CAMTA1: variants seen among roughly 807,000 people sequenced by gnomAD.
CAMTA1 encodes calmodulin binding transcription activator 1.
Under a neutral mutation model 170.9 loss-of-function variants are expected in CAMTA1, and 27 were observed. The observed-to-expected ratio is 0.16, with a 90% CI of 0.12 to 0.22. CAMTA1 has a LOEUF of 0.22. CAMTA1 is among the 10% of genes least tolerant of loss of function. CAMTA1 has a pLI of 1.00. For synonymous variants in CAMTA1, 833 were observed against 891.5 expected, an observed-to-expected ratio of 0.93 and a Z score of 1.17; for missense variants, 1,619 against 2,217.2, an observed-to-expected ratio of 0.73 and a Z score of 5.42.
At chr1:7,000,103 C>T (rs926651070) in intron 3 of CAMTA1, among the ~76,000 whole-genome samples, 3 of 152,222 alleles carry the variant, frequency 2.0e-5, no homozygotes, top group South Asian at 2.1e-4. Context: ...GGTGCTTCTG[C>T]TCTTCTGTGG....
At chr1:6,877,434 C>T (rs1360893579) in intron 3 of CAMTA1, among the ~76,000 whole-genome samples, 1 of 152,192 alleles carries the variant, frequency 6.6e-6, no homozygotes, top group East Asian at 1.9e-4. Context: ...TTTGTCATTC[C>T]TCAATGAAGA....
intron 11 of CAMTA1, among the ~76,000 whole-genome samples, chr1:7,678,501 T>C (rs968011133): frequency 2.6e-5 from 4 of 152,164 alleles, no homozygotes; most frequent in Admixed American, 6.5e-5. Flanking sequence ...GTGGTTCCCC[T>C]TGGGGTACCA....
intron 5 of CAMTA1, among the ~76,000 whole-genome samples, chr1:7,313,109 G>A (rs1021459968): frequency 6.6e-6 from 1 of 152,018 alleles, no homozygotes; most frequent in Admixed American, 6.6e-5. Flanking sequence ...AATTTCTTAC[G>A]GGTTGTGATC....
At position 7,026,396 on chromosome 1, in the gene CAMTA1, A is replaced by G. The variant is rs137994305; in HGVS notation, c.235-64908A>G. ...CGGCCTCATGTGTGATTCAGAATGTATTGTGGGAGTGGCAGCCCCGGTGGG... is the reference window on the plus strand; with the variant it reads ...CGGCCTCATGTGTGATTCAGAATGTGTTGTGGGAGTGGCAGCCCCGGTGGG... On this transcript the variant is annotated intron_variant, in intron 3 of 22. Coordinates refer to ENST00000303635, the MANE Select transcript of CAMTA1 (RefSeq NM_015215.4). Among the ~76,000 whole-genome samples, 435 of 152,144 alleles carry G rather than the reference A, an allele frequency of 2.9e-3. 4 individuals are homozygous for G. The highest frequency in any genetic ancestry group is 9.6e-3 in the African/African-American group (400 of 41,490).
chr1:6,825,053 C>T, intron 2 of CAMTA1, 39 bp from the exon 3 acceptor site: 1 of 1,198,620 alleles, frequency 8.3e-7, no homozygotes, highest in Non-Finnish European at 1.2e-6. Context: ...GAGATTTTAT[C>T]TATTATTTTC....
intron 3 of CAMTA1, among the ~76,000 whole-genome samples, chr1:6,839,533 G>T (rs1005755963): frequency 2.6e-5 from 4 of 152,200 alleles, no homozygotes; most frequent in African/African-American, 9.6e-5. Flanking sequence ...CAATTCTCAT[G>T]GAGCTTATCG....
At chr1:7,380,216 G>T (rs1000854256) in intron 5 of CAMTA1, among the ~76,000 whole-genome samples, 6 of 152,204 alleles carry the variant, frequency 3.9e-5, no homozygotes, top group African/African-American at 1.4e-4. Flanking sequence ...TAGTTTTCCT[G>T]TAGGCTCAGA....
intron 6 of CAMTA1, among the ~76,000 whole-genome samples, chr1:7,615,208 G>A (rs1424072043): frequency 1.3e-5 from 2 of 152,198 alleles, no homozygotes; most frequent in East Asian, 1.9e-4. Context: ...TAGGACCTGC[G>A]ATGTCAGAAC....
chr1:6,835,213 T>G (rs1652465825), intron 3 of CAMTA1, among the ~76,000 whole-genome samples: 1 of 152,212 alleles, frequency 6.6e-6, no homozygotes, highest in Admixed American at 6.5e-5. Context: ...TAAGAAATGT[T>G]AAGGTGCAAA....
chr1:7,642,084 C>G lies in CAMTA1; in HGVS notation c.664+1531C>G, dbSNP rs1260648934. 6.6e-6 allele frequency among the ~76,000 whole-genome samples: 1 copy of G among 152,078 alleles called. No homozygotes were observed. Among genetic ancestry groups the G allele is most frequent in the South Asian group, 2.1e-4 (1 of 4,822 alleles). ...TGCTCACCCCACCTTTCCCTCAGCTCTCAGCCTCTCCACAGGCCCTCCCAC... is the reference window on the plus strand; with the variant it reads ...TGCTCACCCCACCTTTCCCTCAGCTGTCAGCCTCTCCACAGGCCCTCCCAC... On this transcript the variant is annotated intron_variant, in intron 7 of 22. Coordinates refer to ENST00000303635, the MANE Select transcript of CAMTA1 (RefSeq NM_015215.4). The surrounding 1 kb of genome is among the most constrained non-coding windows in gnomAD (Gnocchi z 6.3).
chr1:7,061,402 G>A (rs116806900), intron 3 of CAMTA1, among the ~76,000 whole-genome samples: 3,090 of 152,302 alleles, frequency 0.02, 97 homozygotes, highest in African/African-American at 0.07. Context: ...GGTGTCACCC[G>A]AGCTTCCAGT....
chr1:6,877,469 A>G (rs55647515), intron 3 of CAMTA1, among the ~76,000 whole-genome samples: 2,538 of 152,266 alleles, frequency 0.017, 29 homozygotes, highest in South Asian at 0.033. Flanking sequence ...AAAGGGAGTT[A>G]ATGAAGGAAA....
chr1:7,246,729 C>T lies in CAMTA1; in HGVS notation c.303-2762C>T, dbSNP rs111779586. On this transcript the variant is annotated intron_variant, in intron 4 of 22. Transcript: ENST00000303635. Reference sequence around the variant, plus strand: ...TGCCCCAGGCCAGAGTGCCGTGGCACGATCTCAGCTCACTGCAACCTCTGC... The same window carrying T: ...TGCCCCAGGCCAGAGTGCCGTGGCATGATCTCAGCTCACTGCAACCTCTGC... Among the ~76,000 whole-genome samples, 1,009 of 135,464 alleles carry T rather than the reference C, an allele frequency of 7.4e-3. 10 individuals are homozygous for T. The highest frequency in any genetic ancestry group is 0.056 in the East Asian group (238 of 4,262). The allele number at this position is 135,464 out of a possible 152,430, so 88.9% of individuals were successfully genotyped here. A position where few individuals can be genotyped will look rare whatever the true frequency, so the allele number is the denominator to read the frequency against.
chr1:7,135,529 C>T (rs1645492411), intron 4 of CAMTA1, among the ~76,000 whole-genome samples: 1 of 152,204 alleles, frequency 6.6e-6, no homozygotes, highest in African/African-American at 2.4e-5. Flanking sequence ...CTCTTACACT[C>T]TTGGTGCTGC....
intron 3 of CAMTA1, among the ~76,000 whole-genome samples, chr1:6,909,003 A>G (rs1679151396): frequency 6.6e-6 from 1 of 152,274 alleles, no homozygotes; most frequent in Non-Finnish European, 1.5e-5. Flanking sequence ...ATGGCGAAGT[A>G]CAATAATAAC....
In CAMTA1 at chr1:7,518,739, C is replaced by T. The variant is rs974748074; in HGVS notation, c.510+50838C>T. 3.9e-5 allele frequency among the ~76,000 whole-genome samples: 6 copies of T among 152,022 alleles called. No homozygotes were observed. In the South Asian group the frequency reaches 8.3e-4, roughly 21 times the overall value. ...AAAGGAAGGTGCCCCTCACTCACTG[C>T]CTCCATCTCTCCAGAAGCCAATGTC... is the stretch of plus-strand genomic sequence containing the variant. On this transcript the variant is annotated intron_variant, in intron 6 of 22. Transcript: ENST00000303635.
At chr1:7,294,252 T>A (rs891393244) in intron 5 of CAMTA1, among the ~76,000 whole-genome samples, 2 of 151,876 alleles carry the variant, frequency 1.3e-5, no homozygotes, top group African/African-American at 4.8e-5. Context: ...CTTTCAGGGG[T>A]TTACGCTGTT....
At chr1:7,522,727 G>C (rs144314550) in intron 6 of CAMTA1, among the ~76,000 whole-genome samples, 3 of 152,348 alleles carry the variant, frequency 2.0e-5, no homozygotes, top group African/African-American at 7.2e-5. Context: ...GTTTTGGCCT[G>C]TGGATATCCA....
chr1:6,811,554 G>A (rs989942627), intron 1 of CAMTA1, among the ~76,000 whole-genome samples: 2 of 152,140 alleles, frequency 1.3e-5, no homozygotes, highest in African/African-American at 4.8e-5. Flanking sequence ...TCAGTTTTGA[G>A]CTACATTTTT....
Sources: gnomAD v4.1 joint callset for allele counts (sites outside exome capture counted in the v4.1 genomes callset) on GRCh38, gnomAD v4.1.1 for gene constraint, Gnocchi (gnomAD v3.1) non-coding constraint, MANE v1.5 for transcripts, NCBI Gene and HGNC (gene_info 2026-07-23, HGNC 2026-07-21) for gene names.